The following DEPTOR variants were observed in gnomAD, a reference collection of about 807,000 sequenced individuals.
DEPTOR encodes the protein DEP domain-containing mTOR-interacting protein.
Under a neutral mutation model 41.6 loss-of-function variants are expected in DEPTOR, and 41 were observed. The observed-to-expected ratio is 0.98, with a 90% CI of 0.77 to 1.28. The LOEUF is 1.28. Among genes scored for constraint, DEPTOR ranks in the 50% most tolerant of loss-of-function variants. The pLI is 0.00. For synonymous variants in DEPTOR, 195 were observed against 192.3 expected (o/e 1.01, Z -0.12); for missense variants, 514 against 527.9 (o/e 0.97, Z 0.26).
chr8:119,935,650 G>C (rs1828101786), intron 3 of DEPTOR, among the ~76,000 whole-genome samples: 1 of 151,810 alleles, frequency 6.6e-6, no homozygotes, highest in Non-Finnish European at 1.5e-5. Context: ...GAACCCAGGA[G>C]GCGGAGGTTG....
At chr8:119,897,956 A>G (rs1268339233) in intron 1 of DEPTOR, among the ~76,000 whole-genome samples, 1 of 152,240 alleles carries the variant, frequency 6.6e-6, no homozygotes, top group Non-Finnish European at 1.5e-5. Flanking sequence ...ACATTCAGGA[A>G]GTAACTTTTT....
chr8:119,928,268 C>A, intron 1 of DEPTOR, 132 bp from the exon 2 acceptor site: 1 of 946,198 alleles, frequency 1.1e-6, no homozygotes, highest in East Asian at 2.7e-5. Context: ...TGGAAATCAC[C>A]AAGCGAGCTA....
At chr8:119,997,955 C>T (rs191831639) in intron 4 of DEPTOR, among the ~76,000 whole-genome samples, 4 of 152,010 alleles carry the variant, frequency 2.6e-5, no homozygotes, top group African/African-American at 9.6e-5. Context: ...TTTTACAATC[C>T]AAAAAAAGTT....
At chr8:120,038,546 T>A (rs571624615) in intron 8 of DEPTOR, among the ~76,000 whole-genome samples, 58 of 140,172 alleles carry the variant, frequency 4.1e-4, no homozygotes, top group African/African-American at 1.5e-3. Flanking sequence ...TGAGCCAAGA[T>A]CACACCACTG....
At chr8:119,947,904 C>G (rs1016386982) in intron 3 of DEPTOR, among the ~76,000 whole-genome samples, 1 of 152,104 alleles carries the variant, frequency 6.6e-6, no homozygotes, top group Non-Finnish European at 1.5e-5. Context: ...GTGCTTTGCT[C>G]TCCTGCCCTC....
chr8:120,029,978 C>A (rs1385842218), intron 8 of DEPTOR, among the ~76,000 whole-genome samples: 1 of 152,154 alleles, frequency 6.6e-6, no homozygotes, highest in Non-Finnish European at 1.5e-5. Flanking sequence ...AATTGCTGAT[C>A]GCTGGGGCCT....
chr8:119,939,533 G>C (rs1828174391), intron 3 of DEPTOR, among the ~76,000 whole-genome samples: 1 of 152,166 alleles, frequency 6.6e-6, no homozygotes, highest in African/African-American at 2.4e-5. Context: ...TGTCACCCAG[G>C]CTGGAGTGCA....
chr8:119,954,845 G>GGTGTGTGT lies in DEPTOR; in HGVS notation c.426-10364_426-10357dup, dbSNP rs10649943. The stretch of plus-strand genomic sequence containing the variant: ...TGAGTGCTTGCAGCAGGCAAATATT[G>GGTGTGTGT]GTGTGTGTGTGTGTGTGTGTGTGTG... On this transcript the variant is annotated intron_variant, in intron 3 of 8. Coordinates refer to ENST00000286234, the MANE Select transcript of DEPTOR (RefSeq NM_022783.4). Among the ~76,000 whole-genome samples, 397 of 148,056 alleles carry GGTGTGTGT rather than the reference G, an allele frequency of 2.7e-3. 2 individuals are homozygous for GGTGTGTGT. Among genetic ancestry groups the GGTGTGTGT allele is most frequent in the African/African-American group, 8.9e-3 (359 of 40,432 alleles).
chr8:119,910,449 A>G (rs1312629491), intron 1 of DEPTOR, among the ~76,000 whole-genome samples: 1 of 151,822 alleles, frequency 6.6e-6, no homozygotes, highest in Non-Finnish European at 1.5e-5. Flanking sequence ...TTCAGGCCTT[A>G]TTTTTTATTT....
At chr8:119,919,736 C>T (rs1377061963) in intron 1 of DEPTOR, among the ~76,000 whole-genome samples, 1 of 152,120 alleles carries the variant, frequency 6.6e-6, no homozygotes, top group Non-Finnish European at 1.5e-5. Flanking sequence ...CACTGTCAGC[C>T]CCACTATTTG....
chr8:119,883,195 C>T (rs1418551769), intron 1 of DEPTOR, among the ~76,000 whole-genome samples: 1 of 151,970 alleles, frequency 6.6e-6, no homozygotes, highest in East Asian at 1.9e-4. Flanking sequence ...TGCTTTAGGG[C>T]CGGGCGCGGT....
intron 4 of DEPTOR, among the ~76,000 whole-genome samples, chr8:119,997,101 T>C (rs9642847): frequency 0.37 from 55,676 of 152,030 alleles, 10,949 homozygotes; most frequent in East Asian, 0.59. Context: ...TTATTTATGA[T>C]TTTATTATAT....
chr8:119,883,334 G>T (rs1189711314), intron 1 of DEPTOR, among the ~76,000 whole-genome samples: 1 of 151,914 alleles, frequency 6.6e-6, no homozygotes, highest in Non-Finnish European at 1.5e-5. Context: ...CATTAGCCGG[G>T]TGTGGTGGCA....
At chr8:119,979,943 A>T (rs7823956) in intron 4 of DEPTOR, among the ~76,000 whole-genome samples, 112,929 of 152,016 alleles carry the variant, frequency 0.74, 42,114 homozygotes, top group Middle Eastern at 0.86. Context: ...AAAACTGGAA[A>T]AACTCTTGAT....
intron 4 of DEPTOR, among the ~76,000 whole-genome samples, chr8:119,967,890 G>A (rs1031305256): frequency 2.0e-5 from 3 of 152,098 alleles, no homozygotes; most frequent in African/African-American, 7.2e-5. Flanking sequence ...GTGTATTGGA[G>A]TCAAATATTT....
At chr8:120,037,013 C>G (rs1812988765) in intron 8 of DEPTOR, among the ~76,000 whole-genome samples, 1 of 152,146 alleles carries the variant, frequency 6.6e-6, no homozygotes, top group African/African-American at 2.4e-5. Context: ...CCTTTGTGAT[C>G]TGAATGAATA....
At chr8:119,951,389 T>C (rs940422092) in intron 3 of DEPTOR, among the ~76,000 whole-genome samples, 1 of 152,180 alleles carries the variant, frequency 6.6e-6, no homozygotes, top group African/African-American at 2.4e-5. Flanking sequence ...AATTTTGTGG[T>C]GATGAAACCA....
intron 8 of DEPTOR, among the ~76,000 whole-genome samples, chr8:120,043,558 C>G (rs1369521118): frequency 6.6e-6 from 1 of 152,172 alleles, no homozygotes; most frequent in Non-Finnish European, 1.5e-5. Context: ...ATCCACTATT[C>G]TGTGCATGCC....
intron 3 of DEPTOR, among the ~76,000 whole-genome samples, chr8:119,959,445 G>A (rs1828461276): frequency 6.6e-6 from 1 of 151,996 alleles, no homozygotes; most frequent in South Asian, 2.1e-4. Flanking sequence ...ACAGGCATGA[G>A]CCACTGCGCC....
Sources: gnomAD v4.1 joint callset for allele counts (sites outside exome capture counted in the v4.1 genomes callset) on GRCh38, gnomAD v4.1.1 for gene constraint, MANE v1.5 for transcripts, NCBI Gene and HGNC (gene_info 2026-07-23, HGNC 2026-07-21) for gene names.